The following ARHGAP12 variants were observed in gnomAD, a reference collection of about 807,000 sequenced individuals.
The protein encoded by ARHGAP12 is rho GTPase-activating protein 12.
In ARHGAP12, 64 loss-of-function variants were observed where a neutral mutation model predicts 108.6. The observed-to-expected ratio is 0.59, with a 90% CI of 0.48 to 0.73. ARHGAP12 has a LOEUF of 0.73. Ranked by LOEUF, ARHGAP12 falls within the 30% of genes least tolerant of loss-of-function variation. The pLI, the probability that ARHGAP12 is intolerant of heterozygous loss-of-function variation, is 0.00. For synonymous variants in ARHGAP12, 312 were observed against 337.2 expected (o/e 0.93, Z 0.82); for missense variants, 940 against 1,005.9 (o/e 0.93, Z 0.89).
intron 6 of ARHGAP12, among the ~76,000 whole-genome samples, chr10:31,848,582 G>A (rs1320080168): frequency 6.6e-6 from 1 of 151,954 alleles, no homozygotes; most frequent in Non-Finnish European, 1.5e-5. Context: ...TTCTGTCCCT[G>A]TCTAAAGTTT....
chr10:31,826,205 A>G (rs2255544), intron 11 of ARHGAP12, 99 bp downstream of exon 11: 613,965 of 854,740 alleles, frequency 0.72, 222,597 homozygotes, highest in African/African-American at 0.87. Flanking sequence ...CACACTAGCT[A>G]TAACTATAAG....
intron 3 of ARHGAP12, among the ~76,000 whole-genome samples, chr10:31,904,638 T>C (rs1839053966): frequency 6.6e-6 from 1 of 152,140 alleles, no homozygotes; most frequent in South Asian, 2.1e-4. Context: ...ATTATTATTA[T>C]TATTTTGAGA....
intron 9 of ARHGAP12, among the ~76,000 whole-genome samples, chr10:31,834,932 G>C (rs1835957139): frequency 6.6e-6 from 1 of 152,178 alleles, no homozygotes; most frequent in Non-Finnish European, 1.5e-5. Flanking sequence ...AGGGCACGGT[G>C]GCTCACGCCT....
chr10:31,814,146 G>A, intron 14 of ARHGAP12, 113 bp downstream of exon 14: 1 of 819,102 alleles, frequency 1.2e-6, no homozygotes. Flanking sequence ...TAACTGCACA[G>A]CCCTTTTGTA....
chr10:31,808,295 T>C (rs1294321468), intron 19 of ARHGAP12, among the ~76,000 whole-genome samples: 1 of 152,176 alleles, frequency 6.6e-6, no homozygotes, highest in Non-Finnish European at 1.5e-5. Flanking sequence ...TGAAAGAACT[T>C]GGTTATTAAA....
intron 3 of ARHGAP12, among the ~76,000 whole-genome samples, chr10:31,894,785 C>T (rs1361862912): frequency 6.6e-5 from 10 of 152,096 alleles, no homozygotes; most frequent in African/African-American, 1.7e-4. Flanking sequence ...GAGCCCGCAT[C>T]ACCAAGTCAA....
intron 3 of ARHGAP12, among the ~76,000 whole-genome samples, chr10:31,884,678 G>A (rs1357588585): frequency 1.3e-5 from 2 of 152,112 alleles, no homozygotes; most frequent in African/African-American, 4.8e-5. Context: ...GGTCACTTGA[G>A]GAACATTCAT....
chr10:31,905,417 AT>A (rs1839093820), intron 3 of ARHGAP12, among the ~76,000 whole-genome samples: 1 of 152,204 alleles, frequency 6.6e-6, no homozygotes, highest in African/African-American at 2.4e-5. Context: ...ATTATCAACA[AT>A]GAAACCATGA....
rs373786392 is a variant in ARHGAP12, at chr10:31,831,685, TTTTAA to T, written c.1448+49_1448+53del. The stretch of plus-strand genomic sequence containing the variant: ...ATACTAAAATAATTATATTGAGAAT[TTTTAA>T]TTTATTTCAGATGAATCATGTAAGA... On this transcript the variant is annotated intron_variant, in intron 10 of 19. Transcript: ENST00000344936. The T allele has an allele frequency of 6.7e-5, 83 of 1,240,758 alleles. No individual in the cohort carries two copies. The African/African-American group carries it at 1.0e-3, about 15-fold the overall frequency. 76.9% of individuals were successfully genotyped at this position (1,240,758 alleles called of 1,614,324 possible). A position where few individuals can be genotyped will look rare whatever the true frequency, so the allele number is the denominator to read the frequency against.
At chr10:31,904,355 C>T (rs1168646484) in intron 3 of ARHGAP12, among the ~76,000 whole-genome samples, 1 of 152,088 alleles carries the variant, frequency 6.6e-6, no homozygotes, top group Non-Finnish European at 1.5e-5. Context: ...AGGCCAATCC[C>T]CAAAGGTATG....
intron 3 of ARHGAP12, among the ~76,000 whole-genome samples, chr10:31,888,447 C>CCT (rs1168683661): frequency 6.6e-6 from 1 of 152,198 alleles, no homozygotes; most frequent in Non-Finnish European, 1.5e-5. Context: ...AGAATGTGAT[C>CCT]CTGGCAGGTG....
chr10:31,852,540 G>A lies in ARHGAP12; in HGVS notation c.1147C>T (p.Arg383Trp), dbSNP rs1407480747. 6 of 1,612,690 alleles carry A rather than the reference G, an allele frequency of 3.7e-6. No homozygotes were observed. Among genetic ancestry groups the A allele is most frequent in the Admixed American group, 1.7e-5 (1 of 59,982 alleles). Residue 383 changes from arginine (R) to tryptophan (W), a missense_variant, in exon 6 of 20, where the codon CGG (arginine) becomes TGG (tryptophan). Transcript: ENST00000344936. ...RQYYYSADGS[R>W]SEWELPKYNA... ...ACCTTTGGCAATTCCCATTCTGACC[G>A]AGATCCGTCTGCACTGTAGTAATAT...
At chr10:31,902,235 G>A (rs1398523437) in intron 3 of ARHGAP12, among the ~76,000 whole-genome samples, 1 of 151,536 alleles carries the variant, frequency 6.6e-6, no homozygotes, top group Non-Finnish European at 1.5e-5. Context: ...ACACAAAGGA[G>A]CCCAAATTAT....
At chr10:31,820,049 C>A (rs545183893) in intron 12 of ARHGAP12, among the ~76,000 whole-genome samples, 2 of 151,790 alleles carry the variant, frequency 1.3e-5, no homozygotes, top group African/African-American at 2.4e-5. Flanking sequence ...CCCCTGCCCA[C>A]CCCCACACAC....
At chr10:31,842,765 C>T (rs1029336050) in intron 7 of ARHGAP12, among the ~76,000 whole-genome samples, 3 of 152,000 alleles carry the variant, frequency 2.0e-5, no homozygotes, top group African/African-American at 7.2e-5. Flanking sequence ...TTTAAAAAAC[C>T]TTTACATTTC....
chr10:31,858,401 C>G (rs1291986277), intron 4 of ARHGAP12, among the ~76,000 whole-genome samples: 1 of 152,132 alleles, frequency 6.6e-6, no homozygotes, highest in Non-Finnish European at 1.5e-5. Flanking sequence ...CAGTGATTAA[C>G]TTTACACTAT....
At chr10:31,877,858 A>C (rs1837789261) in intron 3 of ARHGAP12, among the ~76,000 whole-genome samples, 2 of 152,214 alleles carry the variant, frequency 1.3e-5, no homozygotes, top group Non-Finnish European at 2.9e-5. Context: ...TTGGGAAGTC[A>C]AGGCGGGCAC....
chr10:31,873,489 T>C (rs1422512202), intron 3 of ARHGAP12, among the ~76,000 whole-genome samples: 1 of 152,212 alleles, frequency 6.6e-6, no homozygotes, highest in African/African-American at 2.4e-5. Context: ...CACATTCAAG[T>C]GCTCAATAAC....
intron 5 of ARHGAP12, among the ~76,000 whole-genome samples, chr10:31,852,970 C>T (rs1324625108): frequency 6.6e-6 from 1 of 152,026 alleles, no homozygotes; most frequent in African/African-American, 2.4e-5. Flanking sequence ...TCCGGTGATC[C>T]GCCTGCCTCG....
Sources: gnomAD v4.1 joint callset for allele counts (sites outside exome capture counted in the v4.1 genomes callset) on GRCh38, gnomAD v4.1.1 for gene constraint, MANE v1.5 for transcripts, NCBI Gene and HGNC (gene_info 2026-07-23, HGNC 2026-07-21) for gene names.